The following CELF2 variants were observed in gnomAD, a reference collection of about 807,000 sequenced individuals.
CELF2 encodes the protein CUGBP Elav-like family member 2.
In CELF2, 8 loss-of-function variants were observed where a neutral mutation model predicts 62.6. The ratio of observed to expected loss-of-function variants is 0.13; its 90% CI spans 0.07 to 0.23. CELF2 has a LOEUF of 0.23. Among genes scored for constraint, CELF2 ranks in the 10% least tolerant of loss-of-function variants. The probability of loss-of-function intolerance (pLI) is 1.00; values close to 1 mark genes in which losing one functional copy is unlikely to be tolerated. For synonymous variants in CELF2, 258 were observed against 250.0 expected (o/e 1.03, Z -0.30); for missense variants, 333 against 671.0 (o/e 0.50, Z 5.56).
chr10:11,257,648 C>T (rs1589993993), intron 4 of CELF2, 90 bp from the exon 5 acceptor site: 3 of 1,472,466 alleles, frequency 2.0e-6, no homozygotes, highest in South Asian at 2.5e-5. Context: ...TCTCACATGG[C>T]TGGGGCCTGG....
intron 1 of CELF2, among the ~76,000 whole-genome samples, chr10:11,006,310 G>A (rs537458259): frequency 2.6e-5 from 4 of 152,114 alleles, no homozygotes; most frequent in Non-Finnish European, 4.4e-5. Context: ...CTATCAGAAT[G>A]AAGAGCTTTT....
At chr10:10,589,935 A>G in the CELF2 span, among the ~76,000 whole-genome samples, 1 of 152,116 alleles carries the variant, frequency 6.6e-6, no homozygotes, top group African/African-American at 2.4e-5. Context: ...AAACAACCCT[A>G]AAGTAGTGAT....
intron 1 of CELF2, among the ~76,000 whole-genome samples, chr10:11,085,714 T>C (rs1057353095): frequency 1.3e-5 from 2 of 152,186 alleles, no homozygotes; most frequent in Admixed American, 6.5e-5. Context: ...GATCCAGTTA[T>C]TGGGAGTTTT....
At chr10:11,262,836 T>C (rs1294447475) in intron 5 of CELF2, among the ~76,000 whole-genome samples, 2 of 151,966 alleles carry the variant, frequency 1.3e-5, no homozygotes, top group African/African-American at 4.8e-5. Context: ...ACACAAGTTA[T>C]ACTTCTTTCA....
the CELF2 span, among the ~76,000 whole-genome samples, chr10:10,678,365 T>G: frequency 1.3e-5 from 2 of 152,170 alleles, no homozygotes; most frequent in African/African-American, 4.8e-5. Context: ...TAGTAAGCAC[T>G]GGTGACTGCT....
chr10:10,818,120 T>C (rs536348400), intron 1 of CELF2, among the ~76,000 whole-genome samples: 2 of 152,326 alleles, frequency 1.3e-5, no homozygotes, highest in South Asian at 2.1e-4. Context: ...GTCAATAAAA[T>C]TGTCTAGGCA....
chr10:10,745,800 T>C, the CELF2 span, among the ~76,000 whole-genome samples: 1 of 152,340 alleles, frequency 6.6e-6, no homozygotes, highest in East Asian at 1.9e-4. Context: ...GGGTAAGTCA[T>C]ATCACCGTTG....
At chr10:10,807,353 C>A (rs1213324398) in intron 1 of CELF2, among the ~76,000 whole-genome samples, 2 of 152,208 alleles carry the variant, frequency 1.3e-5, no homozygotes, top group Non-Finnish European at 2.9e-5. Flanking sequence ...GATTTGTATA[C>A]CTTCACTCCG....
In CELF2 at chr10:10,905,046, T is replaced by G. The variant is rs1410425099; in HGVS notation, c.54-14918T>G. Among the ~76,000 whole-genome samples the G allele has an allele frequency of 2.6e-5, 4 of 152,214 alleles. 1 individual carries two copies. Among genetic ancestry groups the G allele is most frequent in the Admixed American group, 2.6e-4 (4 of 15,280 alleles). ...CTTGTTTCAACTGTTCACATTAGAG[T>G]TGGACAGGCCTGGGTTCAAACTGAT... is the stretch of plus-strand genomic sequence containing the variant. On this transcript the variant is annotated intron_variant, in intron 1 of 13. Transcript: ENST00000636488.
Position 11,105,869 on chromosome 10 carries a change from A to G in CELF2, c.75-59617A>G, listed in dbSNP as rs114746335. Among the ~76,000 whole-genome samples, 1,374 of 152,296 alleles carry G rather than the reference A, an allele frequency of 9.0e-3. 19 individuals are homozygous for G. Among genetic ancestry groups the G allele is most frequent in the African/African-American group, 0.032 (1,316 of 41,558 alleles). On this transcript the variant is annotated intron_variant, in intron 1 of 12. Coordinates refer to ENST00000633077, the MANE Select transcript of CELF2 (RefSeq NM_001326342.2). ...CTCCCTGGAATACGATACCCCAGTC[A>G]CACTCCACCTCATACCCTTCTTTAG...
At chr10:10,786,368 A>C in the CELF2 span, among the ~76,000 whole-genome samples, 3 of 152,102 alleles carry the variant, frequency 2.0e-5, no homozygotes, top group Non-Finnish European at 2.9e-5. Flanking sequence ...TATTTACAAG[A>C]GGGAATAAAA....
intron 2 of CELF2, among the ~76,000 whole-genome samples, chr10:11,212,650 A>G (rs1313525620): frequency 1.3e-5 from 2 of 150,792 alleles, no homozygotes; most frequent in African/African-American, 4.9e-5. Context: ...TGATGGACCT[A>G]TGAATTTTAA....
intron 3 of CELF2, among the ~76,000 whole-genome samples, chr10:11,234,222 C>G (rs1182537501): frequency 6.6e-6 from 1 of 152,224 alleles, no homozygotes; most frequent in Non-Finnish European, 1.5e-5. Context: ...CCCTCCATGG[C>G]TGAGGTCTCA....
chr10:10,506,291 TG>T, the CELF2 span, among the ~76,000 whole-genome samples: 1 of 151,326 alleles, frequency 6.6e-6, no homozygotes, highest in South Asian at 2.1e-4. Flanking sequence ...TGTGTGTGTG[TG>T]TGTGTGTGTA....
In CELF2 at chr10:11,275,113, A is replaced by T; in HGVS notation, c.834A>T (p.Gln278His). Residue 278 changes from glutamine to histidine, a missense_variant, in exon 8 of 13, where the codon CAA (glutamine) becomes CAT (histidine). By Grantham distance (24) the Gln-to-His change is conservative. Coordinates refer to ENST00000633077, the MANE Select transcript of CELF2 (RefSeq NM_001326342.2). Reference sequence around the variant, plus strand: ...TGGGTGCGTTCAGCGGCATTCAACAAATGGCAGGTAAGTCAGGAAGCACGC... The same window carrying T: ...TGGGTGCGTTCAGCGGCATTCAACATATGGCAGGTAAGTCAGGAAGCACGC... ...SNLGAFSGIQ[Q>H]MAGMNALQLQ... 1.9e-6 allele frequency: 3 copies of T among 1,614,146 alleles called. No homozygotes were observed. The highest frequency in any genetic ancestry group is 2.5e-6 in the Non-Finnish European group (3 of 1,180,014).
intron 9 of CELF2, among the ~76,000 whole-genome samples, chr10:11,294,620 A>G (rs1054868623): frequency 2.6e-5 from 4 of 152,236 alleles, no homozygotes; most frequent in South Asian, 4.1e-4. Flanking sequence ...GTGGGTTTCA[A>G]TCTGTCACAC....
chr10:11,200,945 T>A lies in CELF2; in HGVS notation c.272-16480T>A, dbSNP rs184364634. On this transcript the variant is annotated intron_variant, in intron 2 of 12. Coordinates refer to ENST00000633077, the MANE Select transcript of CELF2 (RefSeq NM_001326342.2). ...TCAGATATTCTTGTCGGGAAGTATA[T>A]TCCTCTCTCAAACGGGTCAGTTTTA... is the stretch of plus-strand genomic sequence containing the variant. Among the ~76,000 whole-genome samples the A allele has an allele frequency of 1.8e-3, 275 of 152,338 alleles. 1 individual carries two copies. Among genetic ancestry groups the A allele is most frequent in the Admixed American group, 3.9e-3 (60 of 15,310 alleles).
chr10:10,682,801 G>A, the CELF2 span, among the ~76,000 whole-genome samples: 2 of 151,928 alleles, frequency 1.3e-5, no homozygotes, highest in Non-Finnish European at 2.9e-5. Context: ...TCTATTACTA[G>A]GTGTTTTCTT....
the CELF2 span, among the ~76,000 whole-genome samples, chr10:10,705,898 G>A: frequency 6.6e-6 from 1 of 152,124 alleles, no homozygotes; most frequent in Non-Finnish European, 1.5e-5. Flanking sequence ...TCTCTAGAAT[G>A]CACCAGATGA....
Sources: allele counts gnomAD v4.1 joint callset (sites outside exome capture counted in the v4.1 genomes callset), GRCh38; gene constraint gnomAD v4.1.1; transcripts MANE v1.5; gene names NCBI Gene and HGNC (gene_info 2026-07-23, HGNC 2026-07-21).